Variants in PSTPIP2 observed in about 807,000 individuals in gnomAD.
The protein encoded by PSTPIP2 is proline-serine-threonine phosphatase interacting protein 2.
In PSTPIP2, 33 loss-of-function variants were observed where a neutral mutation model predicts 63.3. That is an observed-to-expected ratio of 0.52 (90% CI 0.40 to 0.70). The LOEUF is 0.70. Among genes scored for constraint, PSTPIP2 ranks in the 30% least tolerant of loss-of-function variants. The pLI, the probability that PSTPIP2 is intolerant of heterozygous loss-of-function variation, is 0.00. For synonymous variants in PSTPIP2, 125 were observed against 132.7 expected (o/e 0.94, Z 0.40); for missense variants, 312 against 400.7 (o/e 0.78, Z 1.89).
rs138574652 is a variant in PSTPIP2, at chr18:46,049,667, G to A, written c.34-9620C>T. ...GAGGCCGAAGCAGGCGGATCACTAG[G>A]TCAGGAGATTGAGACCATCCTGGCC... On this transcript the variant is annotated intron_variant, in intron 1 of 14. Coordinates refer to ENST00000409746, the MANE Select transcript of PSTPIP2 (RefSeq NM_024430.4). 9.2e-3 allele frequency among the ~76,000 whole-genome samples: 1,398 copies of A among 152,250 alleles called. 12 individuals are homozygous for A. The highest frequency in any genetic ancestry group is 0.012 in the Non-Finnish European group (849 of 68,016).
At chr18:46,006,111 T>G (rs965221499) in intron 5 of PSTPIP2, among the ~76,000 whole-genome samples, 1 of 152,142 alleles carries the variant, frequency 6.6e-6, no homozygotes, top group Non-Finnish European at 1.5e-5. Flanking sequence ...TGGAGTGCAG[T>G]GGCATGATCT....
At chr18:46,031,960 A>G (rs1443458006) in intron 2 of PSTPIP2, among the ~76,000 whole-genome samples, 1 of 152,206 alleles carries the variant, frequency 6.6e-6, no homozygotes. Context: ...AAAACCAGGG[A>G]ACAACCACTG....
At chr18:46,029,249 T>A in intron 2 of PSTPIP2, 1 of 1,238,588 alleles carries the variant, frequency 8.1e-7, no homozygotes, top group Non-Finnish European at 1.2e-6. Context: ...GCTTTGAAGA[T>A]GTCTCCCCAG....
At chr18:46,041,039 C>CTTGA (rs768023947) in intron 1 of PSTPIP2, 25 of 458,884 alleles carry the variant, frequency 5.4e-5, no homozygotes, top group Non-Finnish European at 1.0e-4. Flanking sequence ...TGCCACTGAA[C>CTTGA]TTGACCCTGA....
intron 14 of PSTPIP2, among the ~76,000 whole-genome samples, chr18:45,986,618 T>C (rs2144053067): frequency 6.6e-6 from 1 of 152,278 alleles, no homozygotes; most frequent in South Asian, 2.1e-4. Context: ...CCCCTTTCCA[T>C]GAGAAAGAGG....
At chr18:46,038,826 C>A (rs951405578) in intron 2 of PSTPIP2, among the ~76,000 whole-genome samples, 1 of 152,156 alleles carries the variant, frequency 6.6e-6, no homozygotes, top group Non-Finnish European at 1.5e-5. Context: ...CTGGGCAACC[C>A]TTGGTTGCTG....
chr18:46,072,088 C>T, intron 1 of PSTPIP2, 68 bp downstream of exon 1: 3 of 1,503,542 alleles, frequency 2.0e-6, no homozygotes, highest in Non-Finnish European at 1.8e-6. Context: ...CCCCCACGCC[C>T]GCCGCGTTGG....
intron 1 of PSTPIP2, among the ~76,000 whole-genome samples, chr18:46,058,724 C>T (rs965048066): frequency 6.6e-6 from 1 of 152,196 alleles, no homozygotes; most frequent in Non-Finnish European, 1.5e-5. Context: ...AATCCATAGG[C>T]GGTTCTCTCT....
chr18:46,012,601 G>A (rs1049142060), intron 4 of PSTPIP2, among the ~76,000 whole-genome samples: 4 of 152,092 alleles, frequency 2.6e-5, no homozygotes, highest in East Asian at 1.9e-4. Flanking sequence ...GTGAAACCCC[G>A]TCTCTACTAA....
At chr18:46,007,522 G>A (rs547424294) in intron 5 of PSTPIP2, among the ~76,000 whole-genome samples, 2 of 152,386 alleles carry the variant, frequency 1.3e-5, no homozygotes, top group Admixed American at 1.3e-4. Flanking sequence ...GCCAGGAGGA[G>A]AAGCTGGGTT....
At chr18:45,990,410 G>GT (rs1248869180) in intron 13 of PSTPIP2, among the ~76,000 whole-genome samples, 1 of 147,898 alleles carries the variant, frequency 6.8e-6, no homozygotes, top group East Asian at 2.0e-4. Context: ...AATTTCGTGG[G>GT]TTTTTTGGGG....
intron 2 of PSTPIP2, among the ~76,000 whole-genome samples, chr18:46,025,725 A>C (rs545328566): frequency 6.6e-6 from 1 of 151,948 alleles, no homozygotes; most frequent in African/African-American, 2.4e-5. Context: ...AAAGAAAAAA[A>C]CCTAAATGAA....
intron 14 of PSTPIP2, 118 bp from the exon 15 acceptor site, chr18:45,985,568 A>G: frequency 1.1e-6 from 1 of 951,592 alleles, no homozygotes; most frequent in Non-Finnish European, 1.6e-6. Flanking sequence ...ACAAATGGTG[A>G]GGAATGGGTA....
Position 46,011,319 on chromosome 18 carries a change from T to C in PSTPIP2, c.248-32A>G, listed in dbSNP as rs59275428. On this transcript the variant is annotated intron_variant, in intron 4 of 14. Coordinates refer to ENST00000409746, the MANE Select transcript of PSTPIP2 (RefSeq NM_024430.4). ...AAAAGAATTAAAAAAAAAATCAAGG[T>C]CTACATATGTCTGAATTAAAATATA... 10,107 of 1,457,816 alleles carry C rather than the reference T, an allele frequency of 6.9e-3. 540 individuals are homozygous for C. In the African/African-American group the frequency reaches 0.12, roughly 17 times the overall value. The allele number at this position is 1,457,816 out of a possible 1,614,324, so 90.3% of individuals were successfully genotyped here.
intron 8 of PSTPIP2, 120 bp from the exon 9 acceptor site, chr18:45,997,948 G>A (rs2051620102): frequency 2.5e-6 from 2 of 811,144 alleles, no homozygotes; most frequent in South Asian, 2.8e-5. Flanking sequence ...AGCTTACAAG[G>A]CCCCCAGGAC....
At chr18:46,051,302 C>T (rs2144122443) in intron 1 of PSTPIP2, among the ~76,000 whole-genome samples, 1 of 152,144 alleles carries the variant, frequency 6.6e-6, no homozygotes, top group Admixed American at 6.5e-5. Flanking sequence ...GTGGTGAAAC[C>T]CTGTTCCTAC....
intron 1 of PSTPIP2, among the ~76,000 whole-genome samples, chr18:46,055,233 C>T (rs944855501): frequency 2.0e-5 from 3 of 152,206 alleles, no homozygotes; most frequent in Non-Finnish European, 4.4e-5. Flanking sequence ...CCCTCTGTCC[C>T]TCATACACAT....
intron 1 of PSTPIP2, among the ~76,000 whole-genome samples, chr18:46,052,545 T>C (rs1908616278): frequency 6.7e-6 from 1 of 149,904 alleles, no homozygotes; most frequent in Non-Finnish European, 1.5e-5. Context: ...TGCAAGTTAA[T>C]AGAAAATGTT....
At chr18:46,021,737 G>A (rs1907361014) in intron 3 of PSTPIP2, among the ~76,000 whole-genome samples, 1 of 150,348 alleles carries the variant, frequency 6.7e-6, no homozygotes, top group African/African-American at 2.5e-5. Context: ...CTTGAGGTCA[G>A]GAGTTCAAGA....
Sources: gnomAD v4.1 joint callset for allele counts (sites outside exome capture counted in the v4.1 genomes callset) on GRCh38, gnomAD v4.1.1 for gene constraint, MANE v1.5 for transcripts, NCBI Gene and HGNC (gene_info 2026-07-23, HGNC 2026-07-21) for gene names.